CCDC30: variants seen among roughly 807,000 people sequenced by gnomAD.
CCDC30 encodes the protein coiled-coil domain containing 30.
In CCDC30, 70 loss-of-function variants were observed where a neutral mutation model predicts 100.2. The observed-to-expected ratio is 0.70, with a 90% CI of 0.58 to 0.85. The LOEUF (loss-of-function observed/expected upper bound fraction) is 0.85. Among genes scored for constraint, CCDC30 ranks in the 40% least tolerant of loss-of-function variants. The probability of loss-of-function intolerance (pLI) is 0.00; values close to 1 mark genes in which losing one functional copy is unlikely to be tolerated. For missense variants in CCDC30, 652 were observed against 771.2 expected, an observed-to-expected ratio of 0.85 and a Z score of 1.83; for synonymous variants, 233 against 269.5, an observed-to-expected ratio of 0.86 and a Z score of 1.33.
intron 14 of CCDC30, 72 bp downstream of exon 18, chr1:42,644,879 C>G: frequency 2.1e-6 from 2 of 954,884 alleles, no homozygotes; most frequent in Middle Eastern, 4.3e-4. Context: ...TGTGCTGTCT[C>G]TTGCCTTCAT....
At chr1:42,541,045 T>C (rs990841608) in intron 6 of CCDC30, among the ~76,000 whole-genome samples, 1 of 152,202 alleles carries the variant, frequency 6.6e-6, no homozygotes, top group Non-Finnish European at 1.5e-5. Context: ...ACTGTCTCAG[T>C]CAGTTTGGGC....
chr1:42,459,445 C>G, upstream of CCDC30: 2 of 689,820 alleles, frequency 2.9e-6, no homozygotes, highest in Non-Finnish European at 4.8e-6. Context: ...ACAGGCCAAG[C>G]CACTGTGTTC....
downstream of CCDC30, among the ~76,000 whole-genome samples, chr1:42,656,119 C>G (rs146192635): frequency 3.6e-4 from 55 of 152,156 alleles, no homozygotes; most frequent in African/African-American, 1.3e-3. Context: ...GATCCTCCCA[C>G]CTAAGCCTCC....
At chr1:42,573,591 G>T (rs1019675011) in intron 7 of CCDC30, among the ~76,000 whole-genome samples, 15 of 150,914 alleles carry the variant, frequency 9.9e-5, no homozygotes, top group South Asian at 8.4e-4. Flanking sequence ...CTTTTTTCTT[G>T]TTCTGTTTAC....
chr1:42,573,581 C>T (rs1645776589), intron 7 of CCDC30, among the ~76,000 whole-genome samples: 1 of 151,888 alleles, frequency 6.6e-6, no homozygotes, highest in Admixed American at 6.6e-5. Flanking sequence ...ACCTTTCATT[C>T]TTTTTTCTTG....
intron 6 of CCDC30, among the ~76,000 whole-genome samples, chr1:42,565,341 C>T (rs894214006): frequency 2.0e-5 from 3 of 151,910 alleles, no homozygotes; most frequent in Non-Finnish European, 4.4e-5. Context: ...AACTCAATAG[C>T]AAGAAAACAA....
chr1:42,652,242 A>G (rs1353537141), intron 15 of CCDC30, among the ~76,000 whole-genome samples: 2 of 152,226 alleles, frequency 1.3e-5, no homozygotes, highest in Non-Finnish European at 2.9e-5. Context: ...ACATCTTCTC[A>G]CTTAAATGTG....
upstream of CCDC30, among the ~76,000 whole-genome samples, chr1:42,461,524 C>T (rs1643410404): frequency 6.6e-6 from 1 of 151,426 alleles, no homozygotes; most frequent in Non-Finnish European, 1.5e-5. Flanking sequence ...TTCATAGAGA[C>T]AAGGTCTTAC....
At chr1:42,556,545 G>A in intron 6 of CCDC30, 140 bp downstream of exon 10, 1 of 889,194 alleles carries the variant, frequency 1.1e-6, no homozygotes, top group Non-Finnish European at 1.6e-6. Flanking sequence ...TGTATTTATG[G>A]AGTACATGAG....
intron 16 of CCDC30, 77 bp from the exon 21 acceptor site, chr1:42,653,741 T>C: frequency 2.9e-6 from 3 of 1,026,964 alleles, no homozygotes; most frequent in Non-Finnish European, 4.4e-6. Context: ...ATTCTATCAA[T>C]GCCTGTATCC....
At chr1:42,507,693 G>T (rs1217330208) in intron 6 of CCDC30, among the ~76,000 whole-genome samples, 1 of 152,038 alleles carries the variant, frequency 6.6e-6, no homozygotes, top group Non-Finnish European at 1.5e-5. Context: ...AAGTTGTTTT[G>T]ATTATGTACT....
At chr1:42,503,626 A>G (rs1449437770) in intron 6 of CCDC30, among the ~76,000 whole-genome samples, 1 of 152,254 alleles carries the variant, frequency 6.6e-6, no homozygotes, top group Non-Finnish European at 1.5e-5. Context: ...AGTCCCAGGT[A>G]GCCTTTTCCT....
the CCDC30 span, chr1:42,456,766 A>T: frequency 6.2e-7 from 1 of 1,612,496 alleles, no homozygotes; most frequent in Non-Finnish European, 8.5e-7. Context: ...GGCGCGGTGC[A>T]ACCTCGGCCG....
At chr1:42,625,599 AT>A (rs1272467828) in intron 11 of CCDC30, among the ~76,000 whole-genome samples, 1 of 151,070 alleles carries the variant, frequency 6.6e-6, no homozygotes, top group Non-Finnish European at 1.5e-5. Flanking sequence ...TTCCTTCTTA[AT>A]TTTTTCATTG....
intron 15 of CCDC30, 118 bp from the exon 20 acceptor site, chr1:42,653,258 T>G (rs1048416129): frequency 2.4e-5 from 12 of 503,328 alleles, no homozygotes; most frequent in Non-Finnish European, 3.8e-5. Flanking sequence ...TTTTATGTTT[T>G]TCATTGTTTG....
At position 42,611,173 on chromosome 1, in the gene CCDC30, G is replaced by A. The variant is rs72661317; in HGVS notation, c.1277+83G>A. ...GAGCAGGCTCTAGGGCTAAATGGTG[G>A]GCTGCTCACTGAAGCAACCTTTCAA... On this transcript the variant is annotated intron_variant, in intron 11 of 16. Coordinates refer to ENST00000668663, the Ensembl canonical transcript of CCDC30. 805 of 742,810 alleles carry A rather than the reference G, an allele frequency of 1.1e-3. 1 individual carries two copies. The highest frequency in any genetic ancestry group is 2.4e-3 in the Admixed American group (99 of 40,932). The allele number at this position is 742,810 out of a possible 1,614,324, so 46.0% of individuals were successfully genotyped here. A position where few individuals can be genotyped will look rare whatever the true frequency, so the allele number is the denominator to read the frequency against.
intron 7 of CCDC30, among the ~76,000 whole-genome samples, chr1:42,574,903 G>C (rs894960922): frequency 6.6e-6 from 1 of 152,136 alleles, no homozygotes; most frequent in South Asian, 2.1e-4. Flanking sequence ...ACTGTTGTTA[G>C]GTCTTTCCTA....
chr1:42,577,427 A>T (rs923337827), intron 8 of CCDC30, among the ~76,000 whole-genome samples, 198 bp downstream of exon 12: 3 of 152,172 alleles, frequency 2.0e-5, no homozygotes, highest in African/African-American at 7.2e-5. Context: ...TAAAAACTTC[A>T]TGGGCTTAAA....
chr1:42,511,018 G>A (rs1442884265), intron 6 of CCDC30, among the ~76,000 whole-genome samples: 4 of 152,092 alleles, frequency 2.6e-5, no homozygotes, highest in Admixed American at 6.5e-5. Context: ...GCAAGCTGAA[G>A]ATGGTCTGTT....
Sources: gnomAD v4.1 joint callset for allele counts (sites outside exome capture counted in the v4.1 genomes callset) on GRCh38, gnomAD v4.1.1 for gene constraint, MANE v1.5 for transcripts, NCBI Gene and HGNC (gene_info 2026-07-23, HGNC 2026-07-21) for gene names.